GSK3B: variants seen among roughly 807,000 people sequenced by gnomAD.
GSK3B encodes glycogen synthase kinase 3 beta.
A neutral mutation model predicts 56.4 loss-of-function variants in GSK3B; 15 were observed. The observed-to-expected ratio is 0.27, with a 90% CI of 0.18 to 0.41. GSK3B has a LOEUF of 0.41. Among genes scored for constraint, GSK3B ranks in the 10% least tolerant of loss-of-function variants. The probability of loss-of-function intolerance (pLI) is 1.00; values close to 1 mark genes in which losing one functional copy is unlikely to be tolerated. For synonymous variants in GSK3B, 181 were observed against 188.9 expected (o/e 0.96, Z 0.34); for missense variants, 300 against 513.4 (o/e 0.58, Z 4.02).
chr3:119,975,038 C>T (rs1253022035), intron 2 of GSK3B, among the ~76,000 whole-genome samples: 1 of 152,180 alleles, frequency 6.6e-6, no homozygotes, highest in Non-Finnish European at 1.5e-5. Flanking sequence ...TTTACAGCAC[C>T]TTTATTCATA....
intron 3 of GSK3B, among the ~76,000 whole-genome samples, chr3:119,927,343 G>A (rs1204862976): frequency 6.6e-6 from 1 of 152,136 alleles, no homozygotes; most frequent in African/African-American, 2.4e-5. Flanking sequence ...AAGTGAGAAT[G>A]AATGCAGGGT....
intron 7 of GSK3B, among the ~76,000 whole-genome samples, chr3:119,896,446 T>A (rs902561042): frequency 6.6e-6 from 1 of 151,542 alleles, no homozygotes; most frequent in African/African-American, 2.4e-5. Flanking sequence ...AAAATCTGTA[T>A]ACACATCAAC....
intron 1 of GSK3B, among the ~76,000 whole-genome samples, chr3:120,041,856 T>C (rs1311903572): frequency 1.3e-5 from 2 of 152,160 alleles, no homozygotes; most frequent in Non-Finnish European, 2.9e-5. Flanking sequence ...GTCAAGAAAA[T>C]AGCCCAATAA....
At chr3:120,028,414 G>A (rs762302753) in intron 1 of GSK3B, among the ~76,000 whole-genome samples, 1 of 152,120 alleles carries the variant, frequency 6.6e-6, no homozygotes, top group Non-Finnish European at 1.5e-5. Flanking sequence ...TCCAGACTAT[G>A]CCACTAAGGC....
intron 2 of GSK3B, among the ~76,000 whole-genome samples, chr3:119,970,284 G>A (rs1310746457): frequency 6.6e-6 from 1 of 152,096 alleles, no homozygotes; most frequent in Admixed American, 6.5e-5. Flanking sequence ...ATGGGTAAAA[G>A]ATTTGAAGAG....
At chr3:120,044,281 C>T (rs984898859) in intron 1 of GSK3B, among the ~76,000 whole-genome samples, 2 of 152,156 alleles carry the variant, frequency 1.3e-5, no homozygotes, top group African/African-American at 4.8e-5. Context: ...AAAAACTTGG[C>T]GTTCCTGGGA....
At position 119,963,227 on chromosome 3, in the gene GSK3B, T is replaced by C. The variant is rs923235132; in HGVS notation, c.283-15876A>G. ...CAAATAGATGGAAAAACATCCTGTG[T>C]TCATGGATTAAATTAATATTGTTAA... On this transcript the variant is annotated intron_variant, in intron 2 of 10. Transcript: ENST00000264235. Among the ~76,000 whole-genome samples, 14 of 152,290 alleles carry C rather than the reference T, an allele frequency of 9.2e-5. No homozygotes were observed. The East Asian group carries it at 1.2e-3, about 13-fold the overall frequency.
intron 1 of GSK3B, among the ~76,000 whole-genome samples, chr3:120,031,029 G>A (rs377452700): frequency 6.6e-6 from 1 of 152,188 alleles, no homozygotes; most frequent in African/African-American, 2.4e-5. Flanking sequence ...ATCTATTATT[G>A]TCTCAAACAT....
intron 2 of GSK3B, among the ~76,000 whole-genome samples, chr3:119,972,700 G>A (rs1277526751): frequency 3.3e-5 from 5 of 152,218 alleles, no homozygotes; most frequent in South Asian, 4.1e-4. Context: ...CTCCCAAAGC[G>A]CTGGAATTAC....
intron 1 of GSK3B, chr3:120,041,150 G>A: frequency 5.9e-6 from 1 of 168,734 alleles, no homozygotes; most frequent in South Asian, 1.4e-4. Flanking sequence ...TGCAAAACAT[G>A]CAGACCAGGC....
At chr3:120,053,302 A>G (rs185253677) in intron 1 of GSK3B, among the ~76,000 whole-genome samples, 9 of 152,246 alleles carry the variant, frequency 5.9e-5, no homozygotes, top group African/African-American at 2.2e-4. Flanking sequence ...GCGCCACTAC[A>G]CTCCAGCCTG....
At chr3:120,059,390 G>A (rs1444325672) in intron 1 of GSK3B, among the ~76,000 whole-genome samples, 1 of 152,134 alleles carries the variant, frequency 6.6e-6, no homozygotes, top group East Asian at 1.9e-4. Context: ...AAAAGTGGAA[G>A]CCTTGGAACA....
At chr3:120,031,813 AT>A (rs1166371888) in intron 1 of GSK3B, among the ~76,000 whole-genome samples, 2 of 152,224 alleles carry the variant, frequency 1.3e-5, no homozygotes, top group African/African-American at 2.4e-5. Context: ...ACATATCTGC[AT>A]TTTTTGCTAG....
At chr3:119,916,313 C>A (rs1021561497) in intron 4 of GSK3B, 139 bp from the exon 5 acceptor site, 25 of 644,200 alleles carry the variant, frequency 3.9e-5, no homozygotes, top group Admixed American at 8.8e-5. Context: ...CTTCCTTTCA[C>A]AAGTTTTGTG....
At chr3:119,946,846 A>T (rs2057104845) in intron 3 of GSK3B, among the ~76,000 whole-genome samples, 1 of 151,952 alleles carries the variant, frequency 6.6e-6, no homozygotes, top group South Asian at 2.1e-4. Flanking sequence ...CAAATGTTTA[A>T]CTCTCATTCT....
intron 7 of GSK3B, among the ~76,000 whole-genome samples, chr3:119,877,418 T>G (rs539433617): frequency 3.7e-4 from 56 of 152,314 alleles, no homozygotes; most frequent in South Asian, 3.1e-3. Context: ...ATACTTAACA[T>G]AAATGCTATA....
chr3:119,979,989 A>AG (rs777208590), intron 2 of GSK3B, among the ~76,000 whole-genome samples: 9 of 151,998 alleles, frequency 5.9e-5, no homozygotes, highest in African/African-American at 2.2e-4. Flanking sequence ...ATTAGCAGAG[A>AG]GAAAAAAAAA....
chr3:119,921,235 C>T (rs2107463156), intron 4 of GSK3B, among the ~76,000 whole-genome samples: 1 of 152,120 alleles, frequency 6.6e-6, no homozygotes, highest in East Asian at 1.9e-4. Flanking sequence ...CATTTCCTGT[C>T]TTTTTATATA....
intron 1 of GSK3B, among the ~76,000 whole-genome samples, chr3:120,026,211 T>A (rs77701535): frequency 0.026 from 3,939 of 152,110 alleles, 175 homozygotes; most frequent in African/African-American, 0.089. Flanking sequence ...TCAAACACGA[T>A]TTTCTAAAAG....
Sources: allele counts gnomAD v4.1 joint callset (sites outside exome capture counted in the v4.1 genomes callset), GRCh38; gene constraint gnomAD v4.1.1; transcripts MANE v1.5; gene names NCBI Gene and HGNC (gene_info 2026-07-23, HGNC 2026-07-21).